The following STK32B variants were observed in gnomAD, a reference collection of about 807,000 sequenced individuals.
STK32B encodes serine/threonine kinase 32B.
In STK32B, 43 loss-of-function variants were observed where a neutral mutation model predicts 52.6. The observed-to-expected ratio is 0.82, with a 90% CI of 0.64 to 1.05. The LOEUF is 1.05. Among genes scored for constraint, STK32B ranks in the 50% least tolerant of loss-of-function variants. The pLI is 0.00. For missense variants in STK32B, 621 were observed against 534.6 expected (o/e 1.16, Z -1.59); for synonymous variants, 238 against 204.3 (o/e 1.17, Z -1.41).
chr4:5,114,633 G>A (rs1275840800), intron 1 of STK32B, among the ~76,000 whole-genome samples: 3 of 152,142 alleles, frequency 2.0e-5, no homozygotes, highest in Non-Finnish European at 4.4e-5. Flanking sequence ...AGGGAGTCTC[G>A]AGTAGAGACA....
intron 6 of STK32B, among the ~76,000 whole-genome samples, chr4:5,425,791 T>G (rs1294742084): frequency 6.6e-6 from 1 of 152,182 alleles, no homozygotes; most frequent in Non-Finnish European, 1.5e-5. Context: ...CAAAAGTTCC[T>G]CATTCCCAGT....
intron 1 of STK32B, among the ~76,000 whole-genome samples, chr4:5,079,086 C>CT (rs1712254295): frequency 1.3e-5 from 2 of 152,058 alleles, no homozygotes; most frequent in African/African-American, 4.8e-5. Flanking sequence ...TTTTAGTAAG[C>CT]TTTTTTTACA....
intron 3 of STK32B, among the ~76,000 whole-genome samples, chr4:5,317,539 G>A (rs148751832): frequency 0.13 from 11,636 of 91,912 alleles, 1,385 homozygotes; most frequent in African/African-American, 0.31. Flanking sequence ...TATATTACAT[G>A]TATATATATA....
chr4:5,069,576 C>A (rs1711626310), intron 1 of STK32B, among the ~76,000 whole-genome samples: 1 of 152,176 alleles, frequency 6.6e-6, no homozygotes, highest in African/African-American at 2.4e-5. Flanking sequence ...TCTGCTACTT[C>A]CTAGCTGAGT....
chr4:5,360,361 G>A (rs148437227), intron 4 of STK32B, among the ~76,000 whole-genome samples: 68 of 152,176 alleles, frequency 4.5e-4, no homozygotes, highest in African/African-American at 1.4e-3. Context: ...GACTAGATAC[G>A]CTCACAGATT....
intron 3 of STK32B, among the ~76,000 whole-genome samples, chr4:5,211,536 T>A (rs1317851684): frequency 6.6e-6 from 1 of 152,108 alleles, no homozygotes; most frequent in Admixed American, 6.5e-5. Context: ...AAAGCACTTG[T>A]GTGTGAGTCT....
At chr4:5,357,167 G>C (rs533745157) in intron 4 of STK32B, among the ~76,000 whole-genome samples, 1 of 152,012 alleles carries the variant, frequency 6.6e-6, no homozygotes, top group Non-Finnish European at 1.5e-5. Context: ...GAAAGGATTT[G>C]CTCACACAGC....
At chr4:5,106,549 TTAA>T (rs1714119093) in intron 1 of STK32B, among the ~76,000 whole-genome samples, 1 of 152,194 alleles carries the variant, frequency 6.6e-6, no homozygotes, top group South Asian at 2.1e-4. Flanking sequence ...TTTATCACAC[TTAA>T]TAAAATAAAT....
intron 1 of STK32B, among the ~76,000 whole-genome samples, chr4:5,052,939 G>C (rs1222193640): frequency 1.3e-5 from 2 of 152,162 alleles, no homozygotes; most frequent in Admixed American, 1.3e-4. Context: ...CCTTAGAAAG[G>C]GGTCTGTCCT....
At chr4:5,069,100 G>A (rs1489136793) in intron 1 of STK32B, among the ~76,000 whole-genome samples, 1 of 151,962 alleles carries the variant, frequency 6.6e-6, no homozygotes, top group Non-Finnish European at 1.5e-5. Context: ...CATGGCAGTT[G>A]TACAGATGCA....
intron 3 of STK32B, among the ~76,000 whole-genome samples, chr4:5,307,040 C>T (rs1269068989): frequency 6.6e-6 from 1 of 152,098 alleles, no homozygotes; most frequent in African/African-American, 2.4e-5. Context: ...TTATAGGTTG[C>T]CTGATGCTCT....
chr4:5,313,329 C>T (rs1730439428), intron 3 of STK32B, among the ~76,000 whole-genome samples: 1 of 151,936 alleles, frequency 6.6e-6, no homozygotes, highest in African/African-American at 2.4e-5. Flanking sequence ...CTGCATCTAA[C>T]ATCTGTGGTA....
At position 5,460,126 on chromosome 4, in the gene STK32B, C is replaced by A; in HGVS notation, c.807C>A (p.Ser269Arg). The A allele has an allele frequency of 6.2e-7, 1 of 1,614,208 alleles. No individual in the cohort carries two copies. The highest frequency in any genetic ancestry group is 8.5e-7 in the Non-Finnish European group (1 of 1,180,038). Residue 269 changes from serine to arginine, a missense_variant, in exon 9 of 12, where the codon AGC becomes AGA. Transcript: ENST00000282908. The surrounding 1 kb of genome is among the most constrained non-coding windows in gnomAD (Gnocchi z 4.8). ...LRKLLTKDPESRVSSLHDIQS... is the reference protein window; with the variant it reads ...LRKLLTKDPERRVSSLHDIQS... Reference sequence around the variant, plus strand: ...AGCTCCTGACCAAGGATCCTGAGAGCCGCGTGTCCAGCCTTCATGACATAC... The same window carrying A: ...AGCTCCTGACCAAGGATCCTGAGAGACGCGTGTCCAGCCTTCATGACATAC...
chr4:5,067,777 C>T (rs1477984436), intron 1 of STK32B, among the ~76,000 whole-genome samples: 1 of 152,090 alleles, frequency 6.6e-6, no homozygotes, highest in Non-Finnish European at 1.5e-5. Flanking sequence ...GTACAGGAAG[C>T]ATGATGGCTT....
At chr4:5,328,667 T>C (rs945800730) in intron 3 of STK32B, among the ~76,000 whole-genome samples, 11 of 152,198 alleles carry the variant, frequency 7.2e-5, no homozygotes, top group African/African-American at 2.7e-4. Flanking sequence ...TAATAATGTT[T>C]GAAATTTTGC....
intron 4 of STK32B, among the ~76,000 whole-genome samples, chr4:5,360,865 T>A (rs1206395077): frequency 6.6e-6 from 1 of 152,180 alleles, no homozygotes; most frequent in East Asian, 1.9e-4. Flanking sequence ...ACATAACAGA[T>A]AATTTAGCAC....
chr4:5,362,586 C>T (rs575983178), intron 4 of STK32B, among the ~76,000 whole-genome samples: 1 of 152,328 alleles, frequency 6.6e-6, no homozygotes, highest in South Asian at 2.1e-4. Flanking sequence ...AGATTAGCAG[C>T]AGCCAGGTCC....
chr4:5,028,233 A>T, the STK32B span, among the ~76,000 whole-genome samples: 1 of 152,176 alleles, frequency 6.6e-6, no homozygotes, highest in Non-Finnish European at 1.5e-5. Flanking sequence ...TCATGGGCTT[A>T]AGTCATCCTC....
intron 3 of STK32B, among the ~76,000 whole-genome samples, chr4:5,311,990 A>G (rs1730325058): frequency 6.6e-6 from 1 of 151,448 alleles, no homozygotes; most frequent in Non-Finnish European, 1.5e-5. Flanking sequence ...CAGTACACAA[A>G]AATTTAAGGA....
Sources: gnomAD v4.1 joint callset for allele counts (sites outside exome capture counted in the v4.1 genomes callset) on GRCh38, gnomAD v4.1.1 for gene constraint, Gnocchi (gnomAD v3.1) non-coding constraint, MANE v1.5 for transcripts, NCBI Gene and HGNC (gene_info 2026-07-23, HGNC 2026-07-21) for gene names.